The following RFX3 variants were observed in gnomAD, a reference collection of about 807,000 sequenced individuals.
The protein encoded by RFX3 is transcription factor RFX3.
RFX3 carries 14 observed loss-of-function variants against 98.6 expected under a neutral mutation model. That is an observed-to-expected ratio of 0.14 (90% CI 0.09 to 0.22). The LOEUF is 0.22. Among genes scored for constraint, RFX3 ranks in the 10% least tolerant of loss-of-function variants. The pLI is 1.00. For synonymous variants in RFX3, 383 were observed against 328.4 expected (o/e 1.17, Z -1.80); for missense variants, 639 against 926.9 (o/e 0.69, Z 4.03).
rs146465797 is a variant in RFX3, at chr9:3,352,438, T to C, written c.118-5674A>G. Among the ~76,000 whole-genome samples the C allele has an allele frequency of 5.0e-3, 763 of 152,144 alleles. 7 individuals are homozygous for C. Among genetic ancestry groups the C allele is most frequent in the Admixed American group, 8.3e-3 (127 of 15,232 alleles). On this transcript the variant is annotated intron_variant, in intron 2 of 16. Coordinates refer to ENST00000617270, the MANE Select transcript of RFX3 (RefSeq NM_001282116.2). ...CATATTTATATTGCTCTTAGATTTT[T>C]TTAAGTGAAAATAAATTAATATATT...
chr9:3,524,503 C>A, intron 1 of RFX3: 1 of 979,830 alleles, frequency 1.0e-6, no homozygotes, highest in Non-Finnish European at 1.2e-6. Flanking sequence ...AACCTTCATA[C>A]ATTCTTTATG....
rs111968359 is a variant in RFX3 at position 3,473,936 on chromosome 9, T to C, written c.-9+51811A>G. ...TAAACCTGGGAAAAATAATAAAATA[T>C]AGAATATAATGTTTCTGAAAATGTA... On this transcript the variant is annotated intron_variant, in intron 1 of 16. Transcript: ENST00000617270. Among the ~76,000 whole-genome samples the C allele has an allele frequency of 3.3e-5, 5 of 152,216 alleles. 1 individual carries two copies. The highest frequency in any genetic ancestry group is 1.3e-4 in the Admixed American group (2 of 15,294).
At chr9:3,338,348 G>T (rs1276974525) in intron 3 of RFX3, among the ~76,000 whole-genome samples, 1 of 152,160 alleles carries the variant, frequency 6.6e-6, no homozygotes, top group Admixed American at 6.5e-5. Context: ...GGAAATGCAA[G>T]AATAAATGTT....
At chr9:3,238,509 C>A (rs1047622752) in intron 15 of RFX3, among the ~76,000 whole-genome samples, 3 of 152,144 alleles carry the variant, frequency 2.0e-5, no homozygotes, top group African/African-American at 7.2e-5. Context: ...CTTGGCCTAA[C>A]CCGAGTGTTT....
intron 1 of RFX3, chr9:3,453,520 G>T (rs1448544376): frequency 1.3e-5 from 2 of 151,972 alleles, no homozygotes; most frequent in Admixed American, 1.3e-4. Flanking sequence ...GACCAGCATG[G>T]CCCACATGGT....
intron 15 of RFX3, among the ~76,000 whole-genome samples, chr9:3,241,012 T>C (rs909635243): frequency 3.3e-5 from 5 of 152,246 alleles, no homozygotes; most frequent in South Asian, 2.1e-4. Flanking sequence ...TGCTGAGATT[T>C]CTTTCCTGAT....
chr9:3,516,205 C>A (rs1046745075), intron 1 of RFX3, among the ~76,000 whole-genome samples: 2 of 152,014 alleles, frequency 1.3e-5, no homozygotes, highest in African/African-American at 2.4e-5. Context: ...CCCGCCACCA[C>A]GCCCAGCTAA....
intron 2 of RFX3, among the ~76,000 whole-genome samples, chr9:3,350,735 T>A (rs1315395473): frequency 6.6e-6 from 1 of 152,128 alleles, no homozygotes; most frequent in East Asian, 1.9e-4. Context: ...TTTTCATTAA[T>A]TCCAATAATG....
chr9:3,271,643 AG>A (rs1824490842), intron 9 of RFX3, among the ~76,000 whole-genome samples: 1 of 151,940 alleles, frequency 6.6e-6, no homozygotes, highest in Non-Finnish European at 1.5e-5. Context: ...AAGACCTGGA[AG>A]GGTACAAAAC....
intron 15 of RFX3, among the ~76,000 whole-genome samples, chr9:3,245,299 C>T (rs952827919): frequency 2.0e-5 from 3 of 152,048 alleles, no homozygotes; most frequent in African/African-American, 4.8e-5. Flanking sequence ...GTAGAAAGAA[C>T]CATTTATGCA....
At chr9:3,427,253 T>C (rs980311198) in intron 1 of RFX3, among the ~76,000 whole-genome samples, 4 of 144,014 alleles carry the variant, frequency 2.8e-5, no homozygotes, top group Non-Finnish European at 6.1e-5. Flanking sequence ...AAAATATATA[T>C]ATAATACTAT....
intron 1 of RFX3, among the ~76,000 whole-genome samples, chr9:3,427,964 T>C (rs1199481199): frequency 2.0e-5 from 3 of 152,026 alleles, no homozygotes; most frequent in Admixed American, 2.0e-4. Context: ...GTGCCACTGT[T>C]TCTGCTTGGA....
chr9:3,403,502 A>C (rs1262423568), intron 1 of RFX3, among the ~76,000 whole-genome samples: 1 of 152,196 alleles, frequency 6.6e-6, no homozygotes, highest in East Asian at 1.9e-4. Flanking sequence ...GACAGTGATT[A>C]ATGCTGAAGA....
chr9:3,269,466 T>G (rs1824088526), intron 11 of RFX3, among the ~76,000 whole-genome samples: 1 of 152,124 alleles, frequency 6.6e-6, no homozygotes, highest in African/African-American at 2.4e-5. Context: ...TGCTTGCTTT[T>G]ACTTTATTGA....
At chr9:3,461,574 A>G (rs1847687590) in intron 1 of RFX3, among the ~76,000 whole-genome samples, 1 of 152,024 alleles carries the variant, frequency 6.6e-6, no homozygotes, top group African/African-American at 2.4e-5. Flanking sequence ...TTATGCTAGA[A>G]AAAGAATTTT....
chr9:3,487,822 T>A (rs912993549), intron 1 of RFX3, among the ~76,000 whole-genome samples: 1 of 152,160 alleles, frequency 6.6e-6, no homozygotes, highest in Non-Finnish European at 1.5e-5. Context: ...ATAGAGTAGA[T>A]ACAAATTCTA....
At chr9:3,372,204 C>G (rs938394373) in intron 2 of RFX3, among the ~76,000 whole-genome samples, 1 of 152,186 alleles carries the variant, frequency 6.6e-6, no homozygotes, top group Admixed American at 6.5e-5. Context: ...CCCTGTATCT[C>G]TCTGCCTATG....
intron 1 of RFX3, among the ~76,000 whole-genome samples, chr9:3,414,864 A>T (rs1842808420): frequency 7.2e-6 from 1 of 138,094 alleles, no homozygotes. Context: ...ATGAGTATAT[A>T]TGTATATATA....
intron 14 of RFX3, among the ~76,000 whole-genome samples, chr9:3,252,067 C>T (rs768480723): frequency 1.6e-4 from 24 of 152,108 alleles, no homozygotes; most frequent in Non-Finnish European, 7.3e-5. Context: ...AGACTGGTGT[C>T]GAACTCCCGA....
Sources: allele counts gnomAD v4.1 joint callset (sites outside exome capture counted in the v4.1 genomes callset), GRCh38; gene constraint gnomAD v4.1.1; transcripts MANE v1.5; gene names NCBI Gene and HGNC (gene_info 2026-07-23, HGNC 2026-07-21).